Variants in COL9A1 observed in about 807,000 individuals in gnomAD.
COL9A1 encodes the protein collagen type IX alpha 1 chain.
In COL9A1, 104 loss-of-function variants were observed where a neutral mutation model predicts 142.6. That is an observed-to-expected ratio of 0.73 (90% confidence interval 0.62 to 0.86). The LOEUF (loss-of-function observed/expected upper bound fraction) is 0.86, where lower values mean the gene tolerates loss of function less well. COL9A1 is among the 40% of genes least tolerant of loss of function. The pLI is 0.00. For synonymous variants in COL9A1, 466 were observed against 396.0 expected (o/e 1.18, Z -2.10); for missense variants, 1,210 against 1,176.6 (o/e 1.03, Z -0.42).
Position 70,216,860 on chromosome 6 carries a change from C to T in COL9A1, c.*37G>A, listed in dbSNP as rs535973057. On this transcript the variant is annotated 3_prime_UTR_variant, in exon 38 of 38. Coordinates refer to ENST00000357250, the MANE Select transcript of COL9A1 (RefSeq NM_001851.6). Reference sequence around the variant, plus strand: ...TTCTCACCCAGGCTCCTTCACCAGGCGTGGTTCATGCAGACAGCCATGCAG... The same window carrying T: ...TTCTCACCCAGGCTCCTTCACCAGGTGTGGTTCATGCAGACAGCCATGCAG... The T allele has an allele frequency of 4.5e-5, 73 of 1,610,742 alleles. 1 individual carries two copies. Among genetic ancestry groups the T allele is most frequent in the South Asian group, 3.0e-4 (27 of 90,906 alleles).
chr6:70,216,042 G>C (rs1035873891), downstream of COL9A1: 1 of 152,330 alleles, frequency 6.6e-6, no homozygotes, highest in Non-Finnish European at 1.5e-5. Context: ...AGAACCAGTA[G>C]TTAAGTAATG....
chr6:70,260,769 C>G (rs995019001), intron 19 of COL9A1, 59 bp from the exon 20 acceptor site: 37 of 1,556,116 alleles, frequency 2.4e-5, no homozygotes, highest in Non-Finnish European at 3.2e-5. Flanking sequence ...TTTTAAAAAT[C>G]TCATCACAAA....
chr6:70,260,894 G>T, intron 19 of COL9A1, 184 bp from the exon 20 acceptor site: 1 of 538,474 alleles, frequency 1.9e-6, no homozygotes, highest in Non-Finnish European at 3.2e-6. Flanking sequence ...TTCTTCTGAT[G>T]GTAAACCTTT....
intron 32 of COL9A1, 144 bp from the exon 33 acceptor site, chr6:70,239,430 C>T (rs904165047): frequency 1.6e-6 from 1 of 633,572 alleles, no homozygotes; most frequent in Non-Finnish European, 2.9e-6. Flanking sequence ...TATTAGACTC[C>T]AATTTTGGAT....
At chr6:70,247,666 G>C (rs548840670) in intron 28 of COL9A1, among the ~76,000 whole-genome samples, 1 of 152,128 alleles carries the variant, frequency 6.6e-6, no homozygotes, top group African/African-American at 2.4e-5. Flanking sequence ...AACATTGAAA[G>C]GTCATATTAG....
At chr6:70,246,930 A>C (rs76245847) in intron 28 of COL9A1, among the ~76,000 whole-genome samples, 2,550 of 152,330 alleles carry the variant, frequency 0.017, 25 homozygotes, top group Middle Eastern at 0.031. Flanking sequence ...GGGAATAAAA[A>C]TAGTACTTAT....
chr6:70,295,918 T>G (rs1192929907), intron 4 of COL9A1, among the ~76,000 whole-genome samples: 2 of 152,206 alleles, frequency 1.3e-5, no homozygotes, highest in Non-Finnish European at 2.9e-5. Context: ...GAATTTTCTG[T>G]GCTAAACAAT....
At chr6:70,271,575 C>T in intron 14 of COL9A1, 80 bp downstream of exon 14, 1 of 1,262,374 alleles carries the variant, frequency 7.9e-7, no homozygotes, top group Non-Finnish European at 1.2e-6. Flanking sequence ...TGGAAATGTA[C>T]AGTTAGGGTA....
intron 24 of COL9A1, 164 bp from the exon 25 acceptor site, chr6:70,254,693 G>C: frequency 1.1e-5 from 6 of 571,352 alleles, no homozygotes; most frequent in Non-Finnish European, 3.2e-6. Flanking sequence ...AGTAGGGTGG[G>C]AAATAGGACA....
intron 5 of COL9A1, among the ~76,000 whole-genome samples, chr6:70,286,936 T>C (rs1278674860): frequency 1.3e-5 from 2 of 152,222 alleles, no homozygotes; most frequent in Non-Finnish European, 1.5e-5. Context: ...AACACATTCA[T>C]GTGCTTTGGG....
At chr6:70,244,541 A>G (rs187109816) in intron 28 of COL9A1, among the ~76,000 whole-genome samples, 10 of 152,372 alleles carry the variant, frequency 6.6e-5, no homozygotes, top group Admixed American at 5.2e-4. Context: ...TTTAATTCAC[A>G]GAACAATTAA....
At chr6:70,232,360 G>C (rs1288660566) in intron 36 of COL9A1, among the ~76,000 whole-genome samples, 1 of 152,152 alleles carries the variant, frequency 6.6e-6, no homozygotes, top group Non-Finnish European at 1.5e-5. Context: ...AAAGACACGG[G>C]ACTTTAATTC....
At chr6:70,269,231 C>A (rs556397392) in intron 16 of COL9A1, among the ~76,000 whole-genome samples, 1 of 152,184 alleles carries the variant, frequency 6.6e-6, no homozygotes, top group Non-Finnish European at 1.5e-5. Context: ...TTCCACTAGA[C>A]TAGCCCCATC....
At chr6:70,292,397 TCAGAATGTAAAAC>T in intron 5 of COL9A1, among the ~76,000 whole-genome samples, 1 of 152,316 alleles carries the variant, frequency 6.6e-6, no homozygotes, top group African/African-American at 2.4e-5. Context: ...TGGACCAGAA[TCAGAATGTAAAAC>T]CAGCTGCCAG....
chr6:70,293,741 A>T (rs9455027), intron 5 of COL9A1, among the ~76,000 whole-genome samples: 26,836 of 151,156 alleles, frequency 0.18, 3,436 homozygotes, highest in East Asian at 0.46. Context: ...CTACTTATTA[A>T]CTTTTTCCCT....
At chr6:70,222,655 T>C (rs1768952352) in intron 37 of COL9A1, 1 of 152,078 alleles carries the variant, frequency 6.6e-6, no homozygotes, top group Admixed American at 6.5e-5. Context: ...ATACAGGAAC[T>C]CTAACAACCG....
At chr6:70,233,861 T>C (rs1410473696) in intron 35 of COL9A1, among the ~76,000 whole-genome samples, 2 of 152,216 alleles carry the variant, frequency 1.3e-5, no homozygotes, top group Non-Finnish European at 2.9e-5. Context: ...ACCAGAATAC[T>C]GTAACTAGCT....
At chr6:70,261,747 A>G (rs1490039734) in intron 19 of COL9A1, among the ~76,000 whole-genome samples, 2 of 152,200 alleles carry the variant, frequency 1.3e-5, no homozygotes, top group Admixed American at 1.3e-4. Flanking sequence ...TGTGTAGCTC[A>G]TTTACTGACT....
intron 37 of COL9A1, among the ~76,000 whole-genome samples, chr6:70,223,594 C>T (rs569431578): frequency 3.9e-5 from 6 of 152,324 alleles, no homozygotes; most frequent in Non-Finnish European, 7.3e-5. Context: ...AGCATATGCA[C>T]GGTGTCAACA....
Sources: allele counts gnomAD v4.1 joint callset (sites outside exome capture counted in the v4.1 genomes callset), GRCh38; gene constraint gnomAD v4.1.1; transcripts MANE v1.5; gene names NCBI Gene and HGNC (gene_info 2026-07-23, HGNC 2026-07-21).